The following RACGAP1 variants were observed in gnomAD, a reference collection of about 807,000 sequenced individuals.
RACGAP1 encodes the protein rac GTPase-activating protein 1.
Under a neutral mutation model 78.1 loss-of-function variants are expected in RACGAP1, and 30 were observed. The ratio of observed to expected loss-of-function variants is 0.38; its 90% CI spans 0.29 to 0.52. RACGAP1 has a LOEUF of 0.52. Ranked by LOEUF, RACGAP1 falls within the 20% of genes least tolerant of loss-of-function variation. RACGAP1 has a pLI of 0.82. For synonymous variants in RACGAP1, 231 were observed against 264.8 expected (o/e 0.87, Z 1.24); for missense variants, 587 against 777.1 (o/e 0.76, Z 2.91).
chr12:49,997,471 T>C (rs896093825), intron 9 of RACGAP1, among the ~76,000 whole-genome samples: 1 of 151,930 alleles, frequency 6.6e-6, no homozygotes, highest in Non-Finnish European at 1.5e-5. Context: ...AGACAGGGTT[T>C]CACCATGTTG....
intron 16 of RACGAP1, 119 bp from the exon 17 acceptor site, chr12:49,990,462 A>G: frequency 1.1e-6 from 1 of 943,216 alleles, no homozygotes; most frequent in Admixed American, 2.4e-5. Context: ...CTATTTTGCA[A>G]TAGTTGCTTA....
chr12:50,011,106 G>A (rs1393914507), intron 2 of RACGAP1, among the ~76,000 whole-genome samples: 3 of 151,696 alleles, frequency 2.0e-5, no homozygotes, highest in African/African-American at 4.8e-5. Flanking sequence ...GTGGGCCAAG[G>A]CAGGTGGATC....
Position 49,997,066 on chromosome 12 carries a change from T to G in RACGAP1, c.1018A>C (p.Ile340Leu). 2.6e-6 allele frequency: 4 copies of G among 1,564,580 alleles called. No individual in the cohort carries two copies. The highest frequency in any genetic ancestry group is 3.5e-6 in the Non-Finnish European group (4 of 1,146,966). ...TCTCCAATCTTGACAGGTGTTCCTATCAGGGTAGGAATGCAGGGAAGGGGA... is the reference window on the plus strand; with the variant it reads ...TCTCCAATCTTGACAGGTGTTCCTAGCAGGGTAGGAATGCAGGGAAGGGGA... The part of the protein sequence containing the change: ...RCPLPCIPTL[I>L]GTPVKIGEGM... Residue 340 changes from isoleucine to leucine, a missense_variant, in exon 10 of 17, where the codon ATA (isoleucine) becomes CTA (leucine). Physicochemically the swap from Ile to Leu is conservative, Grantham distance 5. Coordinates refer to ENST00000312377, the MANE Select transcript of RACGAP1 (RefSeq NM_001319999.2).
intron 7 of RACGAP1, among the ~76,000 whole-genome samples, chr12:50,000,874 C>A (rs1948631426): frequency 6.6e-6 from 1 of 152,106 alleles, no homozygotes; most frequent in African/African-American, 2.4e-5. Context: ...ATGATGAAAC[C>A]CTGTCTCTAC....
At chr12:50,018,232 C>G (rs1406066475) in intron 1 of RACGAP1, among the ~76,000 whole-genome samples, 3 of 151,028 alleles carry the variant, frequency 2.0e-5, no homozygotes, top group African/African-American at 2.4e-5. Flanking sequence ...TACATTTATA[C>G]TCATATGATA....
chr12:50,023,883 C>T (rs535130519), intron 1 of RACGAP1, among the ~76,000 whole-genome samples: 53 of 152,224 alleles, frequency 3.5e-4, no homozygotes, highest in African/African-American at 1.3e-3. Context: ...GTATATCGGC[C>T]GGGCGTGGTG....
At chr12:50,025,239 A>AC (rs140700776) in intron 1 of RACGAP1, 159 bp downstream of exon 1, 1 of 925,480 alleles carries the variant, frequency 1.1e-6, no homozygotes, top group Non-Finnish European at 1.3e-6. Flanking sequence ...CACGACCCCC[A>AC]CCCCAGAAAA....
intron 4 of RACGAP1, 41 bp downstream of exon 4, chr12:50,005,215 T>C (rs1948900162): frequency 1.2e-6 from 2 of 1,609,740 alleles, no homozygotes; most frequent in Admixed American, 1.7e-5. Flanking sequence ...TGACAGCCTG[T>C]GTTGCTTGTG....
At chr12:50,031,633 C>T (rs1239814941) in intron 2 of RACGAP1, 4 of 960,436 alleles carry the variant, frequency 4.2e-6, no homozygotes, top group Non-Finnish European at 3.7e-6. Flanking sequence ...CTTCCCTGTG[C>T]GCCAGCACTC....
chr12:50,024,127 C>G (rs2137734291), intron 1 of RACGAP1, among the ~76,000 whole-genome samples: 1 of 151,938 alleles, frequency 6.6e-6, no homozygotes, highest in South Asian at 2.1e-4. Flanking sequence ...CGCCACTGCA[C>G]TCCAGCCTGG....
intron 5 of RACGAP1, among the ~76,000 whole-genome samples, chr12:50,002,955 C>T (rs1249157594): frequency 5.5e-5 from 8 of 146,688 alleles, no homozygotes; most frequent in African/African-American, 1.3e-4. Context: ...ACCCGGGAGG[C>T]GGAGCTTGCA....
chr12:50,008,579 G>A (rs57410794), intron 2 of RACGAP1, among the ~76,000 whole-genome samples: 3 of 152,076 alleles, frequency 2.0e-5, no homozygotes, highest in East Asian at 1.9e-4. Flanking sequence ...CGCAACCTCC[G>A]CCTCCCAGGT....
Position 49,992,583 on chromosome 12 carries a change from TC to T in RACGAP1, c.1411del (p.Asp471ThrfsTer3). 1 of 1,614,136 alleles carries T rather than the reference TC, an allele frequency of 6.2e-7. No homozygotes were observed. The highest frequency in any genetic ancestry group is 8.5e-7 in the Non-Finnish European group (1 of 1,180,004). ...AVGELPQANRDTLAFLMIHLQ... is the reference protein window; with the variant it reads ...AVGELPQANRXTLAFLMIHLQ... ...GTGAATCATGAGGAAAGCTAATGTG[TC>T]CCTGTTGGCCTGGGGCAGTTCACCA... On this transcript the variant is annotated frameshift_variant, in exon 13 of 17. Coordinates refer to ENST00000312377, the MANE Select transcript of RACGAP1 (RefSeq NM_001319999.2). LOFTEE classifies it high-confidence loss of function.
In RACGAP1 at chr12:50,001,271, C is replaced by T. The variant is rs766824067; in HGVS notation, c.550-19G>A. 7.6e-6 allele frequency: 12 copies of T among 1,573,152 alleles called. 1 individual carries two copies. The South Asian group carries it at 1.3e-4, about 17-fold the overall frequency. On this transcript the variant is annotated intron_variant, in intron 6 of 16. Coordinates refer to ENST00000312377, the MANE Select transcript of RACGAP1 (RefSeq NM_001319999.2). ...TAGAGCGCTAGAAAGGAGACAAAGA[C>T]CCGTAACTTTAATGCCAAGCAGATC...
chr12:49,996,561 G>A (rs979886580), intron 10 of RACGAP1, among the ~76,000 whole-genome samples: 2 of 137,230 alleles, frequency 1.5e-5, no homozygotes. Flanking sequence ...AATCGCTTGA[G>A]CCCAGGGGGG....
intron 7 of RACGAP1, among the ~76,000 whole-genome samples, 179 bp from the exon 8 acceptor site, chr12:49,999,912 C>T (rs1398204890): frequency 5.3e-5 from 8 of 151,968 alleles, no homozygotes; most frequent in African/African-American, 1.7e-4. Context: ...AGAACAGTGG[C>T]GTGATCTCGG....
intron 1 of RACGAP1, among the ~76,000 whole-genome samples, chr12:50,021,866 C>T (rs1280326780): frequency 1.3e-5 from 2 of 152,184 alleles, no homozygotes; most frequent in Non-Finnish European, 2.9e-5. Context: ...CATTTGAGGA[C>T]AATGTGAGGA....
At chr12:50,016,551 T>C (rs1288259681) in intron 2 of RACGAP1, 80 bp downstream of exon 2, 2 of 1,429,858 alleles carry the variant, frequency 1.4e-6, no homozygotes, top group African/African-American at 1.4e-5. Context: ...ACTTTAAGAT[T>C]GGAAAATACT....
intron 1 of RACGAP1, among the ~76,000 whole-genome samples, chr12:50,020,209 GCT>G (rs1266172037): frequency 6.6e-6 from 1 of 152,042 alleles, no homozygotes; most frequent in African/African-American, 2.4e-5. Flanking sequence ...ACGGTGTCTT[GCT>G]CTGTCACCCA....
Sources: allele counts gnomAD v4.1 joint callset (sites outside exome capture counted in the v4.1 genomes callset), GRCh38; gene constraint gnomAD v4.1.1; transcripts MANE v1.5; gene names NCBI Gene and HGNC (gene_info 2026-07-23, HGNC 2026-07-21).